GTF2B: variants seen among roughly 807,000 people sequenced by gnomAD.
GTF2B encodes general transcription factor IIB.
A neutral mutation model predicts 34.6 loss-of-function variants in GTF2B; 20 were observed. The ratio of observed to expected loss-of-function variants is 0.58; its 90% CI spans 0.41 to 0.84. GTF2B has a LOEUF of 0.84. Among genes scored for constraint, GTF2B ranks in the 40% least tolerant of loss-of-function variants. GTF2B has a pLI of 0.00. For missense variants in GTF2B, 237 were observed against 393.3 expected (o/e 0.60, Z 3.36); for synonymous variants, 142 against 132.4 (o/e 1.07, Z -0.50).
chr1:88,862,357 C>T (rs1184240038), intron 3 of GTF2B, among the ~76,000 whole-genome samples: 1 of 152,082 alleles, frequency 6.6e-6, no homozygotes, highest in Non-Finnish European at 1.5e-5. Flanking sequence ...GCCTGGGCAA[C>T]ATGGCGAAAC....
chr1:88,871,177 C>T (rs1336408341), intron 2 of GTF2B, among the ~76,000 whole-genome samples: 1 of 152,152 alleles, frequency 6.6e-6, no homozygotes, highest in African/African-American at 2.4e-5. Context: ...GCTGGGATTA[C>T]AGGTGTGAGC....
At chr1:88,882,895 C>T (rs1267134410) in intron 2 of GTF2B, among the ~76,000 whole-genome samples, 1 of 152,136 alleles carries the variant, frequency 6.6e-6, no homozygotes, top group African/African-American at 2.4e-5. Context: ...AGATGGAACC[C>T]CCTTAACTGT....
At position 88,860,321 on chromosome 1, in the gene GTF2B, T is replaced by C. The variant is rs553504442; in HGVS notation, c.259-35A>G. On this transcript the variant is annotated intron_variant, in intron 3 of 6. Transcript: ENST00000370500. ...AGTTTTATAACTATGAAAAAATTTT[T>C]TGGAAAGCATGAAAAATGGACAATT... is the stretch of plus-strand genomic sequence containing the variant. The C allele has an allele frequency of 1.4e-5, 22 of 1,535,932 alleles. No individual in the cohort carries two copies. In the African/African-American group the frequency reaches 2.5e-4, roughly 17 times the overall value.
chr1:88,868,708 T>G (rs747383787), intron 2 of GTF2B, among the ~76,000 whole-genome samples: 1 of 151,616 alleles, frequency 6.6e-6, no homozygotes, highest in Non-Finnish European at 1.5e-5. Context: ...ATTCCACTCT[T>G]AAGTACAGTT....
intron 6 of GTF2B, among the ~76,000 whole-genome samples, chr1:88,853,748 G>A (rs1427849539): frequency 6.6e-6 from 1 of 152,106 alleles, no homozygotes; most frequent in Non-Finnish European, 1.5e-5. Context: ...AGGTTGCAGT[G>A]AGCCGAGATC....
At chr1:88,881,108 T>C (rs1673927874) in intron 2 of GTF2B, among the ~76,000 whole-genome samples, 1 of 141,934 alleles carries the variant, frequency 7.0e-6, no homozygotes, top group South Asian at 2.2e-4. Context: ...CACCACATAC[T>C]AGAATATGAG....
intron 1 of GTF2B, among the ~76,000 whole-genome samples, chr1:88,888,541 A>G (rs138532503): frequency 6.6e-6 from 1 of 152,354 alleles, no homozygotes; most frequent in East Asian, 1.9e-4. Context: ...CCATGTTGAA[A>G]TAAAGGAAAA....
intron 2 of GTF2B, among the ~76,000 whole-genome samples, chr1:88,881,611 C>T (rs1472466876): frequency 1.3e-5 from 2 of 152,114 alleles, no homozygotes; most frequent in Non-Finnish European, 2.9e-5. Context: ...GGATTCTTCG[C>T]TTACAAGATA....
At position 88,872,337 on chromosome 1, in the gene GTF2B, C is replaced by T. The variant is rs138220265; in HGVS notation, c.125-8223G>A. ...GCGTGGTGCTGCATGCCTGCAACCC[C>T]AGGTACTTGGGAGGCTGAGGAGGAG... On this transcript the variant is annotated intron_variant, in intron 2 of 6. Transcript: ENST00000370500. 6.5e-3 allele frequency among the ~76,000 whole-genome samples: 981 copies of T among 151,320 alleles called. 14 individuals are homozygous for T. The highest frequency in any genetic ancestry group is 0.022 in the African/African-American group (927 of 41,216).
At chr1:88,879,065 T>C (rs1323873779) in intron 2 of GTF2B, among the ~76,000 whole-genome samples, 1 of 152,198 alleles carries the variant, frequency 6.6e-6, no homozygotes, top group Non-Finnish European at 1.5e-5. Context: ...GTAATGTAAC[T>C]GTAAATGAAA....
chr1:88,865,344 A>G (rs1476564924), intron 2 of GTF2B, among the ~76,000 whole-genome samples: 1 of 152,242 alleles, frequency 6.6e-6, no homozygotes. Context: ...TTCACTATTT[A>G]CTGCTATGAA....
intron 6 of GTF2B, among the ~76,000 whole-genome samples, chr1:88,856,435 G>A (rs1455142147): frequency 1.2e-5 from 1 of 80,180 alleles, no homozygotes; most frequent in African/African-American, 3.2e-5. Flanking sequence ...AAAATACTGT[G>A]CAAAATGGGA....
chr1:88,881,257 A>C (rs1484934038), intron 2 of GTF2B, among the ~76,000 whole-genome samples: 2 of 151,738 alleles, frequency 1.3e-5, no homozygotes, highest in Non-Finnish European at 2.9e-5. Flanking sequence ...ACAGGTTTGT[A>C]GCCCAGAAGC....
intron 2 of GTF2B, among the ~76,000 whole-genome samples, chr1:88,870,369 T>C (rs1673663296): frequency 6.6e-6 from 1 of 152,220 alleles, no homozygotes; most frequent in Admixed American, 6.5e-5. Context: ...AAAAACTCAT[T>C]CCCACTAATA....
intron 2 of GTF2B, among the ~76,000 whole-genome samples, chr1:88,886,307 T>C (rs950666148): frequency 2.6e-5 from 4 of 152,116 alleles, no homozygotes; most frequent in Non-Finnish European, 5.9e-5. Context: ...ATTTTCATTC[T>C]TAAGTAATTC....
chr1:88,868,455 A>G (rs757381772), intron 2 of GTF2B, among the ~76,000 whole-genome samples: 1 of 152,184 alleles, frequency 6.6e-6, no homozygotes, highest in Non-Finnish European at 1.5e-5. Flanking sequence ...ACTTTTAATC[A>G]AGTTCCCCAT....
chr1:88,880,144 T>C (rs1010639337), intron 2 of GTF2B, among the ~76,000 whole-genome samples: 7 of 152,160 alleles, frequency 4.6e-5, no homozygotes, highest in African/African-American at 1.7e-4. Flanking sequence ...TGAATTAATA[T>C]GGTTTAATCT....
chr1:88,885,648 G>A (rs887295456), intron 2 of GTF2B, among the ~76,000 whole-genome samples: 2 of 151,990 alleles, frequency 1.3e-5, no homozygotes, highest in East Asian at 3.9e-4. Flanking sequence ...TACTTGGGAG[G>A]CTGAGGCAGG....
intron 6 of GTF2B, among the ~76,000 whole-genome samples, chr1:88,856,291 C>CAAAAAAAAAAAA (rs1162915523): frequency 1.2e-4 from 10 of 86,134 alleles, no homozygotes; most frequent in South Asian, 3.5e-4. Flanking sequence ...AAAAAAAAAA[C>CAAAAAAAAAAAA]AAAAAAAAAA....
Sources: gnomAD v4.1 joint callset for allele counts (sites outside exome capture counted in the v4.1 genomes callset) on GRCh38, gnomAD v4.1.1 for gene constraint, MANE v1.5 for transcripts, NCBI Gene and HGNC (gene_info 2026-07-23, HGNC 2026-07-21) for gene names.